STK24: variants seen among roughly 807,000 people sequenced by gnomAD.
STK24 encodes serine/threonine kinase 24.
A neutral mutation model predicts 55.6 loss-of-function variants in STK24; 21 were observed. That is an observed-to-expected ratio of 0.38 (90% CI 0.27 to 0.54). The LOEUF is 0.54. Ranked by LOEUF, STK24 falls within the 20% of genes least tolerant of loss-of-function variation. The probability of loss-of-function intolerance (pLI) is 0.79; values close to 1 mark genes in which losing one functional copy is unlikely to be tolerated. For missense variants in STK24, 383 were observed against 538.4 expected (o/e 0.71, Z 2.86); for synonymous variants, 200 against 215.2 (o/e 0.93, Z 0.62).
chr13:98,531,387 C>T (rs1048107658), intron 1 of STK24, among the ~76,000 whole-genome samples: 5 of 152,122 alleles, frequency 3.3e-5, no homozygotes, highest in East Asian at 3.8e-4. Context: ...GCAGTTTTCC[C>T]GCCAGAAGTT....
chr13:98,465,737 G>GA (rs1893903874), intron 6 of STK24, among the ~76,000 whole-genome samples: 1 of 152,208 alleles, frequency 6.6e-6, no homozygotes. Context: ...AACTCTGCTG[G>GA]AAAACTCAGA....
intron 7 of STK24, 92 bp from the exon 8 acceptor site, chr13:98,461,989 TA>T: frequency 1.3e-6 from 2 of 1,527,458 alleles, no homozygotes; most frequent in Non-Finnish European, 8.9e-7. Context: ...TGGGGACCTC[TA>T]AACCCACACC....
intron 1 of STK24, among the ~76,000 whole-genome samples, chr13:98,558,473 GGGCACAGCCAGGCCT>G (rs1439766283): frequency 2.0e-5 from 3 of 152,160 alleles, no homozygotes; most frequent in Admixed American, 6.5e-5. Flanking sequence ...GGGTACTGCA[GGGCACAGCCAGGCCT>G]GGCACAGCCC....
intron 2 of STK24, among the ~76,000 whole-genome samples, chr13:98,497,925 C>T (rs1283579532): frequency 5.3e-5 from 8 of 152,238 alleles, no homozygotes; most frequent in Admixed American, 2.0e-4. Flanking sequence ...ACTGGCTGCA[C>T]TCAGCAACTG....
At chr13:98,575,662 T>C (rs1175909566) in intron 1 of STK24, among the ~76,000 whole-genome samples, 1 of 152,198 alleles carries the variant, frequency 6.6e-6, no homozygotes, top group Non-Finnish European at 1.5e-5. Flanking sequence ...AGGAGCCTGT[T>C]GGTACCTGTA....
chr13:98,539,746 C>G (rs1896835083), intron 1 of STK24, among the ~76,000 whole-genome samples: 1 of 152,114 alleles, frequency 6.6e-6, no homozygotes, highest in African/African-American at 2.4e-5. Flanking sequence ...AGCAAAATGA[C>G]GTGGCCACTT....
chr13:98,467,967 TTC>T (rs1227516619), intron 5 of STK24, among the ~76,000 whole-genome samples: 1 of 152,208 alleles, frequency 6.6e-6, no homozygotes, highest in East Asian at 1.9e-4. Context: ...TTTCCTGCTG[TTC>T]TCACTGTGCA....
chr13:98,576,220 C>T (rs1190143026), intron 1 of STK24: 2 of 985,452 alleles, frequency 2.0e-6, no homozygotes, highest in South Asian at 4.7e-5. Context: ...TCCACTCCAC[C>T]CTGCCTACTC....
chr13:98,471,778 T>C (rs1894156737), intron 5 of STK24, among the ~76,000 whole-genome samples: 1 of 152,286 alleles, frequency 6.6e-6, no homozygotes, highest in South Asian at 2.1e-4. Flanking sequence ...AAGAAGCTAG[T>C]GAGGCAGGTG....
rs1555306359 is a variant in STK24 at position 98,503,024 on chromosome 13, G to GTTTTTTGTTTT, written c.273+16218_273+16219insAAAACAAAAAA. On this transcript the variant is annotated intron_variant, in intron 2 of 10. Transcript: ENST00000539966. ...AATATATTAGAAATACTTTCCATGT[G>GTTTTTTGTTTT]TTTTTTTTTTTTTTTTTCAGTATGG... Among the ~76,000 whole-genome samples the GTTTTTTGTTTT allele has an allele frequency of 2.8e-5, 3 of 107,084 alleles. 1 individual carries two copies. The highest frequency in any genetic ancestry group is 5.4e-5 in the Non-Finnish European group (3 of 55,798). 70.3% of individuals were successfully genotyped at this position (107,084 alleles called of 152,430 possible). A position where few individuals can be genotyped will look rare whatever the true frequency, so the allele number is the denominator to read the frequency against.
Position 98,558,803 on chromosome 13 carries a change from T to C in STK24, c.42+17942A>G, listed in dbSNP as rs368698107. On this transcript the variant is annotated intron_variant, in intron 1 of 10. Coordinates refer to ENST00000539966, the MANE Select transcript of STK24 (RefSeq NM_001032296.4). ...ATATTTTAAACTTTATTTCTTACAA[T>C]TGAAAAACTGTGCTTCTTTTTGCAT... is the stretch of plus-strand genomic sequence containing the variant. Among the ~76,000 whole-genome samples the C allele has an allele frequency of 5.3e-5, 8 of 152,044 alleles. No homozygotes were observed. The East Asian group carries it at 1.2e-3, about 22-fold the overall frequency.
At chr13:98,467,374 C>T (rs1330908860) in intron 5 of STK24, among the ~76,000 whole-genome samples, 3 of 152,092 alleles carry the variant, frequency 2.0e-5, no homozygotes, top group African/African-American at 7.2e-5. Context: ...ACACGAATTC[C>T]TTAATGTCAT....
rs1429985228 is a variant in STK24, at chr13:98,446,584, CCTGT to C, written c.*6585_*6588del. 6.8e-7 allele frequency: 1 copy of C among 1,465,060 alleles called. No individual in the cohort carries two copies. The highest frequency in any genetic ancestry group is 2.3e-5 in the East Asian group (1 of 44,162). The allele number at this position is 1,465,060 out of a possible 1,614,324, so 90.8% of individuals were successfully genotyped here. A position where few individuals can be genotyped will look rare whatever the true frequency, so the allele number is the denominator to read the frequency against. On this transcript the variant is annotated 3_prime_UTR_variant, in exon 11 of 11. Transcript: ENST00000539966. Reference sequence around the variant, plus strand: ...AGGGAGCTGCCTGGGCTCCCAAGTCCCTGTCTGATGCGGGGCAGCAGCCAGGCCC... The same window carrying C: ...AGGGAGCTGCCTGGGCTCCCAAGTCCCTGATGCGGGGCAGCAGCCAGGCCC...
In STK24 at chr13:98,538,331, T is replaced by A. The variant is rs531474923; in HGVS notation, c.43-18858A>T. ...CCTCCGCCTCCCAGGTTCAAGCAATTCTCCTGCCTCAGCTTCCCTGGTAGC... is the reference window on the plus strand; with the variant it reads ...CCTCCGCCTCCCAGGTTCAAGCAATACTCCTGCCTCAGCTTCCCTGGTAGC... On this transcript the variant is annotated intron_variant, in intron 1 of 10. Coordinates refer to ENST00000539966, the MANE Select transcript of STK24 (RefSeq NM_001032296.4). 2.0e-5 allele frequency among the ~76,000 whole-genome samples: 3 copies of A among 146,826 alleles called. No individual in the cohort carries two copies. The South Asian group carries it at 6.5e-4, about 32-fold the overall frequency.
intron 3 of STK24, among the ~76,000 whole-genome samples, chr13:98,479,941 G>C (rs1894522698): frequency 6.6e-6 from 1 of 152,172 alleles, no homozygotes; most frequent in African/African-American, 2.4e-5. Context: ...CACAGGCTCT[G>C]AGCTGGCAGA....
Position 98,461,882 on chromosome 13 carries a change from T to C in STK24, c.945A>G (p.Gln315=). The change falls in exon 8 of 11, where the codon CAA becomes CAG. Residue 315 remains glutamine, a synonymous_variant. Coordinates refer to ENST00000539966, the MANE Select transcript of STK24 (RefSeq NM_001032296.4). The stretch of plus-strand genomic sequence containing the variant: ...CCCCAGAATCACTGCCCCCCGAGGC[T>C]TGGCCATCTGTTTCCCTTAACACAG... ...SEDSDAETDG[Q]ASGGSDSGDW... The C allele has an allele frequency of 6.2e-7, 1 of 1,614,076 alleles. No individual in the cohort carries two copies. Among genetic ancestry groups the C allele is most frequent in the Non-Finnish European group, 8.5e-7 (1 of 1,179,944 alleles).
intron 1 of STK24, among the ~76,000 whole-genome samples, chr13:98,563,247 C>CCAGAATA (rs2139454797): frequency 6.6e-6 from 1 of 152,232 alleles, no homozygotes; most frequent in East Asian, 1.9e-4. Context: ...GAGTGTGTAC[C>CCAGAATA]CAGAATACCG....
chr13:98,478,720 C>A (rs1177175850), intron 3 of STK24, among the ~76,000 whole-genome samples: 1 of 152,224 alleles, frequency 6.6e-6, no homozygotes, highest in East Asian at 1.9e-4. Context: ...GTCCGTCAAA[C>A]ATCTCTGCCT....
intron 2 of STK24, among the ~76,000 whole-genome samples, chr13:98,509,139 A>G (rs896776373): frequency 6.6e-6 from 1 of 152,238 alleles, no homozygotes. Flanking sequence ...TAAACACATT[A>G]AACTATAGAA....
Sources: allele counts gnomAD v4.1 joint callset (sites outside exome capture counted in the v4.1 genomes callset), GRCh38; gene constraint gnomAD v4.1.1; transcripts MANE v1.5; gene names NCBI Gene and HGNC (gene_info 2026-07-23, HGNC 2026-07-21).